Variants in CACNB4 observed in about 807,000 individuals in gnomAD.
CACNB4 encodes the protein calcium voltage-gated channel auxiliary subunit beta 4, also known as voltage-dependent L-type calcium channel subunit beta-4.
In CACNB4, 32 loss-of-function variants were observed where a neutral mutation model predicts 71.2. That is an observed-to-expected ratio of 0.45 (90% CI 0.34 to 0.60). The LOEUF is 0.60. Among genes scored for constraint, CACNB4 ranks in the 20% least tolerant of loss-of-function variants. The pLI is 0.01. For synonymous variants in CACNB4, 231 were observed against 236.9 expected (o/e 0.97, Z 0.23); for missense variants, 464 against 647.9 (o/e 0.72, Z 3.08).
At chr2:151,865,785 T>TTTC (rs755704945) in intron 9 of CACNB4, 278 of 131,196 alleles carry the variant, frequency 2.1e-3, no homozygotes, top group Middle Eastern at 3.8e-3. Flanking sequence ...TCTTTCTTTC[T>TTTC]TTTTTTTTTT....
chr2:152,072,282 G>A (rs1365495418), intron 2 of CACNB4, among the ~76,000 whole-genome samples: 1 of 152,268 alleles, frequency 6.6e-6, no homozygotes, highest in Non-Finnish European at 1.5e-5. Context: ...GACCAAGGGA[G>A]CACAGTCTGG....
intron 2 of CACNB4, among the ~76,000 whole-genome samples, chr2:151,993,213 T>C (rs901211030): frequency 6.6e-6 from 1 of 152,096 alleles, no homozygotes; most frequent in African/African-American, 2.4e-5. Context: ...CTTTCCTCCT[T>C]GTTTGGAAGC....
chr2:152,013,488 G>A (rs115312479), intron 2 of CACNB4, among the ~76,000 whole-genome samples: 7 of 152,264 alleles, frequency 4.6e-5, no homozygotes, highest in Non-Finnish European at 1.0e-4. Context: ...GGGCAGGAGA[G>A]GTGCCTTTAG....
At chr2:151,964,776 T>G (rs954564980) in intron 2 of CACNB4, among the ~76,000 whole-genome samples, 3 of 152,204 alleles carry the variant, frequency 2.0e-5, no homozygotes, top group African/African-American at 7.2e-5. Flanking sequence ...ACCAAATTTT[T>G]GGGTTTTAGT....
chr2:151,912,185 T>C (rs971362814), intron 2 of CACNB4, among the ~76,000 whole-genome samples: 3 of 152,214 alleles, frequency 2.0e-5, no homozygotes, highest in African/African-American at 7.2e-5. Context: ...TCTCTGATCT[T>C]AGTTATTTCT....
chr2:151,956,972 C>T (rs1375470502), intron 2 of CACNB4, among the ~76,000 whole-genome samples: 2 of 152,074 alleles, frequency 1.3e-5, no homozygotes, highest in Non-Finnish European at 2.9e-5. Context: ...AAGGCGAAAC[C>T]CAGTCTCTAT....
chr2:151,973,922 C>T (rs1332625648), intron 2 of CACNB4: 26 of 1,384,548 alleles, frequency 1.9e-5, no homozygotes, highest in Non-Finnish European at 2.4e-5. Flanking sequence ...ATTTTATCTG[C>T]CTTCCCAATA....
chr2:151,987,246 T>C (rs555190338), intron 2 of CACNB4, among the ~76,000 whole-genome samples: 163 of 152,316 alleles, frequency 1.1e-3, no homozygotes, highest in Admixed American at 3.9e-3. Flanking sequence ...TTGACAATGA[T>C]GGATAGGCTA....
At chr2:151,841,404 C>T (rs1280471865) in intron 13 of CACNB4, among the ~76,000 whole-genome samples, 2 of 152,024 alleles carry the variant, frequency 1.3e-5, no homozygotes, top group East Asian at 3.9e-4. Context: ...GAGACACTGA[C>T]ACTGTCTCTA....
Position 152,098,676 on chromosome 2 carries a change from C to T in CACNB4, c.64-263G>A. On this transcript the variant is annotated intron_variant, in intron 1 of 13. Coordinates refer to ENST00000539935, the MANE Select transcript of CACNB4 (RefSeq NM_000726.5). This position sits in a 1 kb window ranked among gnomAD's most constrained non-coding sequence, Gnocchi z 5.3. Reference sequence around the variant, plus strand: ...AACAAAGACTCTCAGGGTGCGGGGTCCGAGTCCCCGGCATCCGCTGGGGGA... The same window carrying T: ...AACAAAGACTCTCAGGGTGCGGGGTTCGAGTCCCCGGCATCCGCTGGGGGA... 6.4e-7 allele frequency: 1 copy of T among 1,562,894 alleles called. No homozygotes were observed. Among genetic ancestry groups the T allele is most frequent in the East Asian group, 2.4e-5 (1 of 41,610 alleles).
chr2:151,985,743 C>T (rs910050173), intron 2 of CACNB4, among the ~76,000 whole-genome samples: 2 of 150,278 alleles, frequency 1.3e-5, no homozygotes, highest in African/African-American at 4.9e-5. Flanking sequence ...CATAAGTATA[C>T]TTAACCTACT....
chr2:151,966,029 A>G (rs569470643), intron 2 of CACNB4, among the ~76,000 whole-genome samples: 45 of 152,362 alleles, frequency 3.0e-4, no homozygotes, highest in Middle Eastern at 3.4e-3. Flanking sequence ...GTAATTGATC[A>G]TTTTAAAAAG....
At chr2:152,011,750 G>A (rs1683068732) in intron 2 of CACNB4, among the ~76,000 whole-genome samples, 1 of 152,124 alleles carries the variant, frequency 6.6e-6, no homozygotes, top group Admixed American at 6.5e-5. Flanking sequence ...CAGGTTCAGT[G>A]GACAGAACAT....
intron 2 of CACNB4, among the ~76,000 whole-genome samples, chr2:151,931,933 C>A (rs930487469): frequency 6.6e-6 from 1 of 152,110 alleles, no homozygotes; most frequent in Non-Finnish European, 1.5e-5. Flanking sequence ...GATGTGGAAG[C>A]AAGCTAAGTA....
At chr2:152,040,229 A>T (rs1684806526) in intron 2 of CACNB4, among the ~76,000 whole-genome samples, 1 of 152,170 alleles carries the variant, frequency 6.6e-6, no homozygotes, top group Non-Finnish European at 1.5e-5. Context: ...AAGGCTCATG[A>T]TTCTCCTATC....
intron 2 of CACNB4, among the ~76,000 whole-genome samples, chr2:151,984,525 C>T (rs1681224343): frequency 6.6e-6 from 1 of 152,136 alleles, no homozygotes; most frequent in African/African-American, 2.4e-5. Context: ...CTTTGGGAAT[C>T]ATTATCCTAT....
chr2:152,094,129 G>A (rs369677391), intron 2 of CACNB4, among the ~76,000 whole-genome samples: 4 of 152,326 alleles, frequency 2.6e-5, no homozygotes, highest in South Asian at 2.1e-4. Flanking sequence ...AAATAAAAGC[G>A]GTGGTGCTAC....
At chr2:152,006,407 T>C (rs1682728425) in intron 2 of CACNB4, among the ~76,000 whole-genome samples, 1 of 150,898 alleles carries the variant, frequency 6.6e-6, no homozygotes, top group Admixed American at 6.6e-5. Flanking sequence ...CTTTCTTTTT[T>C]TTTTTTTTTC....
intron 2 of CACNB4, among the ~76,000 whole-genome samples, chr2:152,096,300 G>C (rs896843291): frequency 1.3e-4 from 19 of 151,390 alleles, no homozygotes; most frequent in African/African-American, 3.9e-4. Flanking sequence ...TGGCTAACAC[G>C]GTGAAACCCT....
Sources: gnomAD v4.1 joint callset for allele counts (sites outside exome capture counted in the v4.1 genomes callset) on GRCh38, gnomAD v4.1.1 for gene constraint, Gnocchi (gnomAD v3.1) non-coding constraint, MANE v1.5 for transcripts, NCBI Gene and HGNC (gene_info 2026-07-23, HGNC 2026-07-21) for gene names.